LYSMD4: variants seen among roughly 807,000 people sequenced by gnomAD.
LYSMD4 encodes lysM and putative peptidoglycan-binding domain-containing protein 4.
A neutral mutation model predicts 6.1 loss-of-function variants in LYSMD4; 9 were observed. That is an observed-to-expected ratio of 1.47 (90% CI 0.88 to 2.56). The LOEUF is 2.56. Among genes scored for constraint, LYSMD4 ranks in the 30% most tolerant of loss-of-function variants. LYSMD4 has a pLI of 0.00. For synonymous variants in LYSMD4, 143 were observed against 148.5 expected (o/e 0.96, Z 0.27); for missense variants, 384 against 373.5 (o/e 1.03, Z -0.23).
At chr15:99,732,731 C>A (rs529323529) in intron 1 of LYSMD4, among the ~76,000 whole-genome samples, 12 of 152,368 alleles carry the variant, frequency 7.9e-5, no homozygotes, top group Middle Eastern at 3.4e-3. Context: ...CTCAAACACG[C>A]GGGCTGACAA....
rs763471227 is a variant in LYSMD4 at position 99,716,438 on chromosome 15, CTGTT to C, written n.1481_1484del. On this transcript the variant is annotated non_coding_transcript_exon_variant, in exon 2 of 2. Transcript: ENST00000496108. ...AGACAATGCTAAAGGTTGTTGTAAA[CTGTT>C]TGTCTCCCGCACTCACTCCAGTAAA... The C allele has an allele frequency of 1.6e-4, 72 of 450,614 alleles. 1 individual carries two copies. Among genetic ancestry groups the C allele is most frequent in the African/African-American group, 1.1e-3 (56 of 50,040 alleles). The allele number at this position is 450,614 out of a possible 1,614,324, so 27.9% of individuals were successfully genotyped here. A position where few individuals can be genotyped will look rare whatever the true frequency, so the allele number is the denominator to read the frequency against.
At chr15:99,729,860 G>A in intron 2 of LYSMD4, 129 bp from the exon 3 acceptor site, 3 of 1,191,138 alleles carry the variant, frequency 2.5e-6, no homozygotes, top group South Asian at 1.7e-5. Context: ...GATGAAGACT[G>A]GAAAACTGCA....
chr15:99,717,427 C>A (rs1333764671), exon 1 of LYSMD4: 1 of 152,184 alleles, frequency 6.6e-6, no homozygotes, highest in Non-Finnish European at 1.5e-5. Flanking sequence ...CCGGTGCTCA[C>A]AAGCAGCCCG....
downstream of LYSMD4, among the ~76,000 whole-genome samples, chr15:99,723,168 G>C (rs1210337076): frequency 6.6e-6 from 1 of 152,012 alleles, no homozygotes; most frequent in East Asian, 1.9e-4. Flanking sequence ...ATATAAATGA[G>C]CTATATAATT....
At chr15:99,722,363 C>G (rs1328400049), upstream of LYSMD4, among the ~76,000 whole-genome samples, 1 of 152,176 alleles carries the variant, frequency 6.6e-6, no homozygotes, top group Admixed American at 6.5e-5. Flanking sequence ...TACACCTGCC[C>G]TAACATAGCA....
At position 99,731,870 on chromosome 15, in the gene LYSMD4, G is replaced by T. The variant is rs145143086; in HGVS notation, c.130C>A (p.His44Asn). ...DSGDSSEEES[H>N]RVVLRPRGKE... ...CCCCGGGGCCGCAAAACCACACGGT[G>T]AGACTCTTCTTCAGAAGAGTCCCCC... The change falls in exon 2 of 3, where the codon CAC (histidine) becomes AAC (asparagine). Residue 44 changes from histidine (H) to asparagine (N), a missense_variant. Transcript: ENST00000684762. 6.2e-7 allele frequency: 1 copy of T among 1,613,608 alleles called. No individual in the cohort carries two copies. The highest frequency in any genetic ancestry group is 8.5e-7 in the Non-Finnish European group (1 of 1,180,046).
rs1042458555 is a variant in LYSMD4, at chr15:99,728,315, C to T, written c.*808G>A. 8 of 152,472 alleles carry T rather than the reference C, an allele frequency of 5.2e-5. No homozygotes were observed. The highest frequency in any genetic ancestry group is 1.9e-4 in the African/African-American group (8 of 41,454). The allele number at this position is 152,472 out of a possible 1,614,324, so 9.4% of individuals were successfully genotyped here. A position where few individuals can be genotyped will look rare whatever the true frequency, so the allele number is the denominator to read the frequency against. ...ACCATAGTGAGGCCTCAGTGACAGGCACTCATCCTCCCCTCCAAACACTGG... is the reference window on the plus strand; with the variant it reads ...ACCATAGTGAGGCCTCAGTGACAGGTACTCATCCTCCCCTCCAAACACTGG... On this transcript the variant is annotated 3_prime_UTR_variant, in exon 3 of 3. Coordinates refer to ENST00000684762, the MANE Select transcript of LYSMD4 (RefSeq NM_001284417.2).
At chr15:99,731,158 T>C in intron 2 of LYSMD4, 1 of 1,610,196 alleles carries the variant, frequency 6.2e-7, no homozygotes, top group South Asian at 1.1e-5. Context: ...ATTCTAGAAA[T>C]ACTTTCCTAC....
intron 1 of LYSMD4, 48 bp downstream of exon 1, chr15:99,733,297 G>GCGCGGCTCCCTAGCCAGAC: frequency 2.6e-6 from 1 of 389,132 alleles, no homozygotes. Context: ...CCATGAGCCC[G>GCGCGGCTCCCTAGCCAGAC]CGCGGCTCCC....
chr15:99,724,008 C>T (rs888293436), downstream of LYSMD4, among the ~76,000 whole-genome samples: 3 of 151,026 alleles, frequency 2.0e-5, no homozygotes, highest in African/African-American at 7.4e-5. Context: ...TCACGCCAGG[C>T]CACCAGACTA....
chr15:99,716,531 G>A (rs575302737), exon 1 of LYSMD4: 69 of 456,814 alleles, frequency 1.5e-4, no homozygotes, highest in African/African-American at 1.3e-3. Context: ...CAAGGCGCTG[G>A]CTTTGCCACC....
At chr15:99,725,029 C>T (rs12901576), downstream of LYSMD4, among the ~76,000 whole-genome samples, 142,312 of 152,276 alleles carry the variant, frequency 0.93, 66,988 homozygotes, top group Non-Finnish European at 0.99. Flanking sequence ...CCTGTTCCCC[C>T]GCCTGGCCTG....
At chr15:99,729,795 A>G in intron 2 of LYSMD4, 64 bp from the exon 3 acceptor site, 1 of 1,513,414 alleles carries the variant, frequency 6.6e-7, no homozygotes, top group Non-Finnish European at 8.8e-7. Flanking sequence ...ACTTTCCAAA[A>G]AGTGGCTCTT....
chr15:99,721,362 G>A (rs1196677732), upstream of LYSMD4, among the ~76,000 whole-genome samples: 1 of 152,204 alleles, frequency 6.6e-6, no homozygotes, highest in Non-Finnish European at 1.5e-5. Flanking sequence ...AGGAGCCAGG[G>A]TGACACTGCC....
At chr15:99,731,435 A>G (rs1279053619) in intron 2 of LYSMD4, 1 of 1,606,718 alleles carries the variant, frequency 6.2e-7, no homozygotes, top group Non-Finnish European at 8.5e-7. Flanking sequence ...CGAAAGAAGA[A>G]AAAAGGTTTC....
At chr15:99,724,736 C>G (rs527384128), downstream of LYSMD4, among the ~76,000 whole-genome samples, 25 of 152,266 alleles carry the variant, frequency 1.6e-4, no homozygotes, top group Middle Eastern at 6.8e-3. Context: ...GTACAACAAC[C>G]CAGTGTTTTC....
At chr15:99,723,991 A>G (rs1407429771), downstream of LYSMD4, among the ~76,000 whole-genome samples, 1 of 150,918 alleles carries the variant, frequency 6.6e-6, no homozygotes, top group Non-Finnish European at 1.5e-5. Flanking sequence ...CTCCGTTTAC[A>G]TTTCCTTCAC....
exon 1 of LYSMD4, chr15:99,716,645 C>T (rs1050503760): frequency 2.8e-5 from 13 of 456,572 alleles, no homozygotes; most frequent in Admixed American, 4.7e-5. Context: ...TCAAGGAAAC[C>T]GTCCCAACGC....
downstream of LYSMD4, among the ~76,000 whole-genome samples, chr15:99,723,377 T>A (rs149063053): frequency 9.2e-4 from 140 of 152,282 alleles, 1 homozygote; most frequent in African/African-American, 3.3e-3. Context: ...AGATTCTGCA[T>A]TTGTCTGTTG....
Sources: gnomAD v4.1 joint callset for allele counts (sites outside exome capture counted in the v4.1 genomes callset) on GRCh38, gnomAD v4.1.1 for gene constraint, MANE v1.5 for transcripts, NCBI Gene and HGNC (gene_info 2026-07-23, HGNC 2026-07-21) for gene names.